Variants in CEP85L observed in about 807,000 individuals in gnomAD.
The protein encoded by CEP85L is centrosomal protein 85L, also known as centrosomal protein of 85 kDa-like.
CEP85L carries 60 observed loss-of-function variants against 100.3 expected under a neutral mutation model. The observed-to-expected ratio is 0.60, with a 90% confidence interval of 0.49 to 0.74. CEP85L has a LOEUF of 0.74. CEP85L is among the 30% of genes least tolerant of loss of function. The pLI, the probability that CEP85L is intolerant of heterozygous loss-of-function variation, is 0.00. For synonymous variants in CEP85L, 319 were observed against 322.7 expected, an observed-to-expected ratio of 0.99 and a Z score of 0.12; for missense variants, 973 against 936.2, an observed-to-expected ratio of 1.04 and a Z score of -0.51.
intron 3 of CEP85L, among the ~76,000 whole-genome samples, chr6:118,540,777 A>C (rs1777864625): frequency 6.6e-6 from 1 of 151,698 alleles, no homozygotes; most frequent in African/African-American, 2.4e-5. Flanking sequence ...TAAATAAATA[A>C]ATAAATAAAT....
At chr6:118,490,973 G>A (rs1774515513) in intron 6 of CEP85L, among the ~76,000 whole-genome samples, 1 of 151,912 alleles carries the variant, frequency 6.6e-6, no homozygotes, top group African/African-American at 2.4e-5. Context: ...ATTGCAAATT[G>A]TGCTGCTATA....
chr6:118,684,206 A>G (rs1336484581), intron 1 of CEP85L, among the ~76,000 whole-genome samples: 1 of 152,204 alleles, frequency 6.6e-6, no homozygotes, highest in Admixed American at 6.5e-5. Context: ...CCTAGGTTAC[A>G]TTAGAAAACA....
At chr6:118,612,695 C>A (rs1333420362) in intron 2 of CEP85L, among the ~76,000 whole-genome samples, 5 of 94,980 alleles carry the variant, frequency 5.3e-5, no homozygotes, top group Admixed American at 1.3e-4. Context: ...GGGGGGGGGA[C>A]TCTCAAATCA....
intron 2 of CEP85L, among the ~76,000 whole-genome samples, chr6:118,577,004 A>G (rs1327989024): frequency 6.6e-6 from 1 of 152,152 alleles, no homozygotes; most frequent in South Asian, 2.1e-4. Flanking sequence ...ACTGTATGGT[A>G]GCCCTCTTCC....
chr6:118,630,079 A>T (rs1335507768), intron 2 of CEP85L, among the ~76,000 whole-genome samples: 2 of 152,142 alleles, frequency 1.3e-5, no homozygotes, highest in Non-Finnish European at 2.9e-5. Flanking sequence ...TCTTCCCTAC[A>T]TTTCACCTTT....
At chr6:118,621,995 CAAAAT>C (rs1217282555) in intron 2 of CEP85L, among the ~76,000 whole-genome samples, 20 of 152,136 alleles carry the variant, frequency 1.3e-4, no homozygotes, top group Admixed American at 1.3e-3. Context: ...TCCCACGGGA[CAAAAT>C]TTATCTTTAT....
chr6:118,544,876 T>C (rs1359459031), intron 3 of CEP85L, among the ~76,000 whole-genome samples: 1 of 152,136 alleles, frequency 6.6e-6, no homozygotes, highest in African/African-American at 2.4e-5. Context: ...AGAATTTCCA[T>C]CCTCTCAATC....
chr6:118,687,133 CCTT>C (rs2114288439), intron 1 of CEP85L, among the ~76,000 whole-genome samples: 1 of 152,302 alleles, frequency 6.6e-6, no homozygotes, highest in African/African-American at 2.4e-5. Flanking sequence ...TTGACTCAAT[CCTT>C]CTCATCCAGG....
At chr6:118,484,890 G>GC (rs1040986210) in intron 6 of CEP85L, among the ~76,000 whole-genome samples, 5 of 152,134 alleles carry the variant, frequency 3.3e-5, no homozygotes, top group African/African-American at 1.2e-4. Flanking sequence ...CATACCTCAA[G>GC]CAACACTAGT....
chr6:118,658,348 G>A (rs1360023576), intron 1 of CEP85L, among the ~76,000 whole-genome samples: 2 of 152,172 alleles, frequency 1.3e-5, no homozygotes, highest in South Asian at 2.1e-4. Context: ...CCAGACACAA[G>A]TGTGAAGGAT....
Position 118,463,164 on chromosome 6 carries a change from CTT to C in CEP85L, c.*2239_*2240del, listed in dbSNP as rs1772314721. 1 of 151,548 alleles carries C rather than the reference CTT, an allele frequency of 6.6e-6. No individual in the cohort carries two copies. The highest frequency in any genetic ancestry group is 2.4e-5 in the African/African-American group (1 of 41,288). The allele number at this position is 151,548 out of a possible 1,614,324, so 9.4% of individuals were successfully genotyped here. The stretch of plus-strand genomic sequence containing the variant: ...CTTTCTCTAAGTTTTAGAAAGCTAA[CTT>C]ACAAATAAATTATTTTATCCCCAAC... On this transcript the variant is annotated 3_prime_UTR_variant, in exon 13 of 13. Transcript: ENST00000368491.
chr6:118,578,394 T>C (rs1221039534), intron 2 of CEP85L, among the ~76,000 whole-genome samples: 3 of 152,180 alleles, frequency 2.0e-5, no homozygotes, highest in African/African-American at 7.2e-5. Context: ...GGTCCAACCC[T>C]AGCCAATGGG....
chr6:118,472,948 C>T (rs1400429624), intron 10 of CEP85L, among the ~76,000 whole-genome samples: 1 of 152,036 alleles, frequency 6.6e-6, no homozygotes, highest in African/African-American at 2.4e-5. Context: ...CCAGAAATGC[C>T]CCATTTACAA....
intron 3 of CEP85L, among the ~76,000 whole-genome samples, chr6:118,564,100 TCAA>T (rs1395729641): frequency 3.3e-5 from 5 of 151,626 alleles, no homozygotes; most frequent in Admixed American, 2.6e-4. Context: ...CAAATTTATC[TCAA>T]CAGTGTGTCC....
At chr6:118,623,854 T>C (rs899505451) in intron 2 of CEP85L, among the ~76,000 whole-genome samples, 1 of 152,174 alleles carries the variant, frequency 6.6e-6, no homozygotes, top group African/African-American at 2.4e-5. Context: ...GATAGAGCTG[T>C]TCCAACCAGA....
chr6:118,559,162 G>GTA (rs1274379279), intron 3 of CEP85L: 3 of 1,017,946 alleles, frequency 2.9e-6, no homozygotes, highest in Non-Finnish European at 4.7e-6. Flanking sequence ...AAACAATATT[G>GTA]TATAACAGAC....
At chr6:118,586,538 A>G (rs903329936) in intron 2 of CEP85L, among the ~76,000 whole-genome samples, 2 of 152,054 alleles carry the variant, frequency 1.3e-5, no homozygotes, top group Admixed American at 6.6e-5. Context: ...TCCCCCAACA[A>G]TAAAAGGTAC....
At chr6:118,547,829 A>C (rs540483699) in intron 3 of CEP85L, among the ~76,000 whole-genome samples, 47 of 152,258 alleles carry the variant, frequency 3.1e-4, no homozygotes, top group African/African-American at 1.1e-3. Flanking sequence ...AACAGGTATA[A>C]AATTTTATTG....
chr6:118,565,356 C>CT, intron 3 of CEP85L, 173 bp downstream of exon 3: 1 of 640,538 alleles, frequency 1.6e-6, no homozygotes, highest in African/African-American at 1.8e-5. Context: ...GTCTCAAATG[C>CT]TTTGCAAGTT....
Sources: allele counts gnomAD v4.1 joint callset (sites outside exome capture counted in the v4.1 genomes callset), GRCh38; gene constraint gnomAD v4.1.1; transcripts MANE v1.5; gene names NCBI Gene and HGNC (gene_info 2026-07-23, HGNC 2026-07-21).